CCDC73: variants seen among roughly 807,000 people sequenced by gnomAD.
CCDC73 encodes the protein coiled-coil domain-containing protein 73.
In CCDC73, 95 loss-of-function variants were observed where a neutral mutation model predicts 116.5. The observed-to-expected ratio is 0.82, with a 90% confidence interval of 0.69 to 0.97. The LOEUF (loss-of-function observed/expected upper bound fraction) is 0.97, where lower values mean the gene tolerates loss of function less well. Ranked by LOEUF, CCDC73 falls within the 50% of genes least tolerant of loss-of-function variation. The pLI is 0.00. For missense variants in CCDC73, 1,066 were observed against 1,206.8 expected, an observed-to-expected ratio of 0.88 and a Z score of 1.73; for synonymous variants, 398 against 401.3, an observed-to-expected ratio of 0.99 and a Z score of 0.10.
At chr11:32,778,638 C>T (rs1461351380) in intron 1 of CCDC73, among the ~76,000 whole-genome samples, 1 of 151,892 alleles carries the variant, frequency 6.6e-6, no homozygotes. Flanking sequence ...ATGGTGAAAC[C>T]CCGTCTCTAC....
At chr11:32,731,650 C>G (rs775038804) in intron 2 of CCDC73, among the ~76,000 whole-genome samples, 3 of 152,210 alleles carry the variant, frequency 2.0e-5, no homozygotes, top group Admixed American at 6.5e-5. Flanking sequence ...CCCAGGCAAA[C>G]AGGGTCTGGA....
chr11:32,814,767 A>T, the CCDC73 span, among the ~76,000 whole-genome samples: 1 of 152,246 alleles, frequency 6.6e-6, no homozygotes, highest in Non-Finnish European at 1.5e-5. Flanking sequence ...TCAAAAAATG[A>T]AAACAGCCCA....
At chr11:32,654,330 C>T (rs994450162) in intron 10 of CCDC73, among the ~76,000 whole-genome samples, 3 of 152,144 alleles carry the variant, frequency 2.0e-5, no homozygotes, top group Admixed American at 6.5e-5. Context: ...CCCACCATTA[C>T]GCACAGCTAA....
chr11:32,724,338 G>T (rs971275575), intron 2 of CCDC73, among the ~76,000 whole-genome samples: 2 of 151,940 alleles, frequency 1.3e-5, no homozygotes, highest in African/African-American at 4.8e-5. Context: ...CTTTGCTCAT[G>T]ATTCTATTAT....
At chr11:32,703,447 C>T (rs1849829781) in intron 3 of CCDC73, among the ~76,000 whole-genome samples, 2 of 150,762 alleles carry the variant, frequency 1.3e-5, no homozygotes, top group Non-Finnish European at 3.0e-5. Flanking sequence ...CTTCCTGTTG[C>T]TTTTTTCATG....
intron 1 of CCDC73, 135 bp downstream of exon 1, chr11:32,794,478 C>T (rs1403814421): frequency 2.0e-5 from 3 of 152,472 alleles, no homozygotes; most frequent in Non-Finnish European, 4.4e-5. Context: ...AAAGCAGCCC[C>T]TTGGCAACCA....
intron 9 of CCDC73, among the ~76,000 whole-genome samples, chr11:32,655,536 G>T (rs1338993693): frequency 6.6e-6 from 1 of 152,192 alleles, no homozygotes; most frequent in African/African-American, 2.4e-5. Flanking sequence ...ACAGAAACAT[G>T]AAAGAGAACG....
Position 32,613,804 on chromosome 11 carries a change from T to C in CCDC73, c.2514A>G (p.Thr838=), listed in dbSNP as rs1258586324. 1.9e-6 allele frequency: 3 copies of C among 1,613,720 alleles called. No homozygotes were observed. The South Asian group carries it at 3.3e-5, about 18-fold the overall frequency. The change falls in exon 16 of 18, where the codon ACA becomes ACG. Residue 838 remains threonine, a synonymous_variant. Transcript: ENST00000335185. ...CTGTTTTCTCTGTATTATTTAACAATGTATGCTGTCTTTCATTAATGCTCA... is the reference window on the plus strand; with the variant it reads ...CTGTTTTCTCTGTATTATTTAACAACGTATGCTGTCTTTCATTAATGCTCA... ...LFVSINERQH[T]LLNNTEKTES...
chr11:32,684,210 C>A (rs966745974), intron 6 of CCDC73, among the ~76,000 whole-genome samples: 1 of 152,158 alleles, frequency 6.6e-6, no homozygotes, highest in South Asian at 2.1e-4. Context: ...TGCCACCACA[C>A]CTGGCTAATT....
intron 12 of CCDC73, among the ~76,000 whole-genome samples, chr11:32,648,953 T>A (rs146940324): frequency 3.9e-5 from 6 of 152,290 alleles, no homozygotes; most frequent in African/African-American, 1.4e-4. Context: ...TGCATCTGGA[T>A]AACAGAGAGA....
chr11:32,830,454 A>G, the CCDC73 span: 2 of 1,274,782 alleles, frequency 1.6e-6, no homozygotes, highest in Admixed American at 5.9e-5. Flanking sequence ...ACAGAAACTC[A>G]AAGTGCTGAG....
intron 7 of CCDC73, chr11:32,680,315 G>C (rs1033172484): frequency 2.6e-5 from 4 of 152,118 alleles, no homozygotes; most frequent in African/African-American, 9.7e-5. Flanking sequence ...ATTTTATTGA[G>C]ATGATTAAGA....
the CCDC73 span, among the ~76,000 whole-genome samples, chr11:32,825,907 C>G: frequency 6.6e-6 from 1 of 152,174 alleles, no homozygotes; most frequent in Admixed American, 6.5e-5. Flanking sequence ...AAGTCCCTGT[C>G]ATAGGTCCCT....
intron 2 of CCDC73, among the ~76,000 whole-genome samples, chr11:32,755,651 A>ATATCTCCATATATATGTGTATATATC (rs2133372036): frequency 1.0e-5 from 1 of 96,454 alleles, no homozygotes; most frequent in South Asian, 3.7e-4. Context: ...GTGTATATAT[A>ATATCTCCATATATATGTGTATATATC]TATCTCCATA....
At chr11:32,708,675 T>A (rs1364083776) in intron 3 of CCDC73, among the ~76,000 whole-genome samples, 1 of 152,154 alleles carries the variant, frequency 6.6e-6, no homozygotes, top group East Asian at 1.9e-4. Context: ...TTGCAGCTAT[T>A]GTAAAAGGGG....
chr11:32,679,251 C>T (rs1856122740), intron 7 of CCDC73, among the ~76,000 whole-genome samples: 1 of 152,144 alleles, frequency 6.6e-6, no homozygotes, highest in Non-Finnish European at 1.5e-5. Flanking sequence ...TAAAATACCC[C>T]TTAATTTCTG....
intron 1 of CCDC73, among the ~76,000 whole-genome samples, chr11:32,787,756 G>C (rs1850640518): frequency 6.6e-6 from 1 of 152,080 alleles, no homozygotes; most frequent in African/African-American, 2.4e-5. Flanking sequence ...TTATACACAA[G>C]CTGGTGCATG....
chr11:32,801,876 T>C, the CCDC73 span, among the ~76,000 whole-genome samples: 4 of 152,236 alleles, frequency 2.6e-5, no homozygotes, highest in East Asian at 7.7e-4. Flanking sequence ...AATTTGGAAG[T>C]GAATAGCATA....
In CCDC73 at chr11:32,654,277, G is replaced by A. The variant is rs576987964; in HGVS notation, c.775-240C>T. Among the ~76,000 whole-genome samples the A allele has an allele frequency of 3.9e-5, 6 of 152,218 alleles. No homozygotes were observed. In the East Asian group the frequency reaches 7.8e-4, roughly 20 times the overall value. ...CAACCTCCACCTCTTGGGTTCAAGCGGATTCCATGCCTCATCCTCCCAAGT... is the reference window on the plus strand; with the variant it reads ...CAACCTCCACCTCTTGGGTTCAAGCAGATTCCATGCCTCATCCTCCCAAGT... On this transcript the variant is annotated intron_variant, in intron 10 of 17. Transcript: ENST00000335185.
Sources: gnomAD v4.1 joint callset for allele counts (sites outside exome capture counted in the v4.1 genomes callset) on GRCh38, gnomAD v4.1.1 for gene constraint, MANE v1.5 for transcripts, NCBI Gene and HGNC (gene_info 2026-07-23, HGNC 2026-07-21) for gene names.